DCC: variants seen among roughly 807,000 people sequenced by gnomAD.
DCC encodes the protein netrin receptor DCC.
Under a neutral mutation model 172.5 loss-of-function variants are expected in DCC, and 58 were observed. The ratio of observed to expected loss-of-function variants is 0.34; its 90% CI spans 0.27 to 0.42. The LOEUF (loss-of-function observed/expected upper bound fraction) is 0.42. Ranked by LOEUF, DCC falls within the 10% of genes least tolerant of loss-of-function variation. DCC has a pLI of 1.00. For missense variants in DCC, 1,740 were observed against 1,791.0 expected (o/e 0.97, Z 0.51); for synonymous variants, 709 against 644.5 (o/e 1.10, Z -1.52).
At chr18:52,956,276 G>A (rs577533610) in intron 5 of DCC, among the ~76,000 whole-genome samples, 1 of 151,932 alleles carries the variant, frequency 6.6e-6, no homozygotes, top group Non-Finnish European at 1.5e-5. Flanking sequence ...TTTTTTACAT[G>A]TAGATATCCA....
chr18:53,266,370 AT>A (rs1360847108), intron 12 of DCC, among the ~76,000 whole-genome samples: 3 of 151,978 alleles, frequency 2.0e-5, no homozygotes, highest in Non-Finnish European at 4.4e-5. Flanking sequence ...CACTTAATAC[AT>A]TTTTTTATTA....
chr18:53,367,007 A>G (rs1370205578), intron 15 of DCC, among the ~76,000 whole-genome samples: 1 of 152,062 alleles, frequency 6.6e-6, no homozygotes, highest in Non-Finnish European at 1.5e-5. Context: ...GTGTTTCTTT[A>G]TTGTCACAGC....
At chr18:52,754,504 G>A (rs917425483) in intron 2 of DCC, among the ~76,000 whole-genome samples, 7 of 152,196 alleles carry the variant, frequency 4.6e-5, no homozygotes, top group Non-Finnish European at 8.8e-5. Context: ...TTCACCATGT[G>A]AGGATACAAT....
At chr18:52,864,770 A>G (rs886797192) in intron 2 of DCC, among the ~76,000 whole-genome samples, 3 of 151,542 alleles carry the variant, frequency 2.0e-5, no homozygotes, top group Non-Finnish European at 2.9e-5. Context: ...GAGTGAGAAC[A>G]TGTGGTGTTT....
chr18:52,986,835 TACACAC>T (rs147730924), intron 5 of DCC, among the ~76,000 whole-genome samples: 17 of 136,054 alleles, frequency 1.2e-4, no homozygotes, highest in South Asian at 4.7e-4. Context: ...CACATATACA[TACACAC>T]ACACACACAC....
intron 2 of DCC, among the ~76,000 whole-genome samples, chr18:52,795,035 TTTG>T (rs2037845840): frequency 1.3e-5 from 2 of 152,036 alleles, no homozygotes; most frequent in African/African-American, 2.4e-5. Flanking sequence ...TTGCTAATAT[TTTG>T]TTAAGGTTTT....
At chr18:53,182,135 C>T (rs1339557144) in intron 9 of DCC, among the ~76,000 whole-genome samples, 1 of 152,184 alleles carries the variant, frequency 6.6e-6, no homozygotes, top group Non-Finnish European at 1.5e-5. Context: ...TAACAAAAGC[C>T]TAACTGAATA....
chr18:52,747,968 C>T (rs573941433), intron 1 of DCC, among the ~76,000 whole-genome samples: 1 of 152,224 alleles, frequency 6.6e-6, no homozygotes, highest in Admixed American at 6.5e-5. Flanking sequence ...CTGCCTGGGC[C>T]TCACTGGGTT....
At chr18:53,466,454 T>G (rs1171950122) in intron 24 of DCC, among the ~76,000 whole-genome samples, 2 of 152,224 alleles carry the variant, frequency 1.3e-5, no homozygotes, top group Non-Finnish European at 2.9e-5. Flanking sequence ...TCTTTGTACT[T>G]ACAGGAAATT....
chr18:53,091,565 G>A (rs1282848717), intron 7 of DCC, among the ~76,000 whole-genome samples: 1 of 151,548 alleles, frequency 6.6e-6, no homozygotes, highest in African/African-American at 2.4e-5. Flanking sequence ...TTTCTGGTGA[G>A]GACCCTTTTC....
Position 53,340,096 on chromosome 18 carries a change from A to C in DCC, c.2359+189A>C, listed in dbSNP as rs867926375. ...CACACATACACACACACACAGGCAC[A>C]CATATACATTTCTTTGAATTTGGGA... On this transcript the variant is annotated intron_variant, in intron 15 of 28. Coordinates refer to ENST00000442544, the MANE Select transcript of DCC (RefSeq NM_005215.4). 5.9e-5 allele frequency among the ~76,000 whole-genome samples: 9 copies of C among 151,858 alleles called. 1 individual carries two copies. The highest frequency in any genetic ancestry group is 3.4e-3 in the Middle Eastern group (1 of 292).
chr18:52,580,865 G>A (rs139707288), intron 1 of DCC, among the ~76,000 whole-genome samples: 267 of 152,246 alleles, frequency 1.8e-3, no homozygotes, highest in East Asian at 3.5e-3. Context: ...AACCACTGTG[G>A]TATTCACACT....
chr18:52,576,828 T>C (rs1221744265), intron 1 of DCC, among the ~76,000 whole-genome samples: 4 of 63,102 alleles, frequency 6.3e-5, no homozygotes, highest in African/African-American at 2.6e-4. Context: ...AGCCTCCATC[T>C]CAAAAAAAAA....
intron 16 of DCC, among the ~76,000 whole-genome samples, chr18:53,387,028 G>A (rs1021472871): frequency 2.6e-5 from 4 of 152,118 alleles, no homozygotes; most frequent in Non-Finnish European, 5.9e-5. Flanking sequence ...CCCTTCGGAC[G>A]TCGTTTAACT....
intron 5 of DCC, among the ~76,000 whole-genome samples, chr18:52,939,425 T>A (rs1308596116): frequency 6.6e-6 from 1 of 152,206 alleles, no homozygotes; most frequent in African/African-American, 2.4e-5. Context: ...TAACTGTTGT[T>A]TTTTTGTCTC....
intron 12 of DCC, among the ~76,000 whole-genome samples, chr18:53,280,644 T>A (rs574735941): frequency 1.3e-5 from 2 of 152,064 alleles, no homozygotes; most frequent in African/African-American, 2.4e-5. Context: ...TATGAAATAT[T>A]TTTTTTTCTC....
chr18:53,400,012 T>C (rs1909195661), intron 18 of DCC, among the ~76,000 whole-genome samples: 1 of 152,128 alleles, frequency 6.6e-6, no homozygotes, highest in Admixed American at 6.6e-5. Flanking sequence ...ATAATTGTCA[T>C]GCCTTGAGAT....
rs116253156 is a variant in DCC, at chr18:52,763,707, C to T, written c.412+11333C>T. Reference sequence around the variant, plus strand: ...AATATTCATAAAATCGTGCAACCACCACCACTATCTAATTCCATAACATTT... The same window carrying T: ...AATATTCATAAAATCGTGCAACCACTACCACTATCTAATTCCATAACATTT... On this transcript the variant is annotated intron_variant, in intron 2 of 28. Coordinates refer to ENST00000442544, the MANE Select transcript of DCC (RefSeq NM_005215.4). 7.4e-3 allele frequency among the ~76,000 whole-genome samples: 1,121 copies of T among 152,298 alleles called. 15 individuals are homozygous for T. The highest frequency in any genetic ancestry group is 0.026 in the African/African-American group (1,061 of 41,562).
intron 15 of DCC, among the ~76,000 whole-genome samples, chr18:53,382,071 C>CACACACAG (rs1174634046): frequency 9.8e-6 from 1 of 101,894 alleles, no homozygotes; most frequent in Non-Finnish European, 2.4e-5. Flanking sequence ...TTAAAAACAA[C>CACACACAG]ACACACACAC....
Sources: allele counts gnomAD v4.1 joint callset (sites outside exome capture counted in the v4.1 genomes callset), GRCh38; gene constraint gnomAD v4.1.1; transcripts MANE v1.5; gene names NCBI Gene and HGNC (gene_info 2026-07-23, HGNC 2026-07-21).